DGKZ: variants seen among roughly 807,000 people sequenced by gnomAD.
The protein encoded by DGKZ is DAG kinase zeta.
A neutral mutation model predicts 142.5 loss-of-function variants in DGKZ; 45 were observed. The observed-to-expected ratio is 0.32, with a 90% CI of 0.25 to 0.40. The LOEUF (loss-of-function observed/expected upper bound fraction) is 0.40, where lower values mean the gene tolerates loss of function less well. Ranked by LOEUF, DGKZ falls within the 10% of genes least tolerant of loss-of-function variation. The pLI, the probability that DGKZ is intolerant of heterozygous loss-of-function variation, is 1.00. For synonymous variants in DGKZ, 442 were observed against 527.0 expected (o/e 0.84, Z 2.21); for missense variants, 755 against 1,306.5 (o/e 0.58, Z 6.51).
intron 1 of DGKZ, among the ~76,000 whole-genome samples, chr11:46,363,223 C>T (rs1170614392): frequency 6.6e-6 from 1 of 152,206 alleles, no homozygotes; most frequent in Non-Finnish European, 1.5e-5. Context: ...AGGAGTCAGG[C>T]TCTTGCTGAC....
rs377534092 is a variant in DGKZ at position 46,377,913 on chromosome 11, G to C, written c.2343-285G>C. On this transcript the variant is annotated intron_variant, in intron 25 of 30. Transcript: ENST00000527911. ...ATCACTCCCAGGACCCCCTCTGCAGGGGTGCCACATCACCTGTTCTGAATT... is the reference window on the plus strand; with the variant it reads ...ATCACTCCCAGGACCCCCTCTGCAGCGGTGCCACATCACCTGTTCTGAATT... 198 of 521,096 alleles carry C rather than the reference G, an allele frequency of 3.8e-4. 3 individuals are homozygous for C. Among genetic ancestry groups the C allele is most frequent in the Middle Eastern group, 3.6e-3 (7 of 1,922 alleles). The allele number at this position is 521,096 out of a possible 1,614,324, so 32.3% of individuals were successfully genotyped here.
chr11:46,337,287 C>CTTTTTT (rs948859545), intron 1 of DGKZ, among the ~76,000 whole-genome samples: 1 of 86,300 alleles, frequency 1.2e-5, no homozygotes, highest in Non-Finnish European at 2.4e-5. Context: ...TAAATGGGTT[C>CTTTTTT]TTTTTTTTTT....
At position 46,376,524 on chromosome 11, in the gene DGKZ, C is replaced by T. The variant is rs767161559; in HGVS notation, c.2162C>T (p.Ala721Val). Residue 721 changes from alanine to valine, a missense_variant and splice_region_variant, in exon 24 of 31, where the codon GCC becomes GTC. Transcript: ENST00000527911. The stretch of plus-strand genomic sequence containing the variant: ...TCCTCAGCTGCCCTCTCTCCCACAG[C>T]CACCACTGCCAGCCGCTTCTACAGG... 1.6e-5 allele frequency: 26 copies of T among 1,613,800 alleles called. 1 individual carries two copies. The highest frequency in any genetic ancestry group is 1.9e-5 in the Non-Finnish European group (22 of 1,180,008).
At chr11:46,373,272 GTGTTTTTTTTT>G (rs1316799879) in intron 14 of DGKZ, among the ~76,000 whole-genome samples, 171 bp downstream of exon 14, 39 of 143,298 alleles carry the variant, frequency 2.7e-4, no homozygotes, top group African/African-American at 8.8e-4. Context: ...TGTTTTTTCT[GTGTTTTTTTTT>G]TGTTTTTTTT....
At chr11:46,335,449 A>ACACACG (rs1453515808) in intron 1 of DGKZ, among the ~76,000 whole-genome samples, 87 of 152,264 alleles carry the variant, frequency 5.7e-4, no homozygotes, top group African/African-American at 2.0e-3. Flanking sequence ...ACACACACAC[A>ACACACG]CACACGCACA....
intron 1 of DGKZ, among the ~76,000 whole-genome samples, chr11:46,338,288 G>A (rs1007231409): frequency 4.6e-5 from 7 of 152,050 alleles, no homozygotes; most frequent in African/African-American, 1.7e-4. Context: ...CCTAGCTCAG[G>A]AGTTCGAGGC....
chr11:46,368,372 A>C, intron 4 of DGKZ: 1 of 440,110 alleles, frequency 2.3e-6, no homozygotes, highest in Non-Finnish European at 4.3e-6. Context: ...ACCATGTCCA[A>C]ACTAGTGCTT....
At chr11:46,364,937 A>C in intron 1 of DGKZ, 1 of 985,350 alleles carries the variant, frequency 1.0e-6, no homozygotes, top group Non-Finnish European at 1.2e-6. Context: ...TCTCCCCAGG[A>C]CCAGGGCCCA....
rs373042558 is a variant in DGKZ, at chr11:46,372,744, G to C, written c.1072-27G>C. On this transcript the variant is annotated intron_variant, in intron 12 of 30. Transcript: ENST00000527911. This position sits in a 1 kb window ranked among gnomAD's most constrained non-coding sequence, Gnocchi z 5.9. ...CTGAAGCCGGGGTCCCTGTGGGCCT[G>C]ATTTGCCTCTGTTCTTCCTCCCCCA... 4.3e-6 allele frequency: 7 copies of C among 1,609,786 alleles called. No homozygotes were observed. The highest frequency in any genetic ancestry group is 5.9e-6 in the Non-Finnish European group (7 of 1,178,132).
intron 1 of DGKZ, among the ~76,000 whole-genome samples, chr11:46,341,232 T>C (rs1431154857): frequency 6.6e-6 from 1 of 152,208 alleles, no homozygotes; most frequent in Non-Finnish European, 1.5e-5. Flanking sequence ...TCTGAACACC[T>C]GTATTCAACC....
chr11:46,332,947 G>A (rs1397015827), exon 1 of DGKZ: 2 of 243,696 alleles, frequency 8.2e-6, no homozygotes, highest in Non-Finnish European at 1.6e-5. Context: ...CGGCAGCAGC[G>A]GCGGTTGCAG....
At chr11:46,375,819 C>G in intron 20 of DGKZ, 32 bp from the exon 21 acceptor site, 3 of 1,547,618 alleles carry the variant, frequency 1.9e-6, no homozygotes, top group South Asian at 2.4e-5. Flanking sequence ...AGGGCCCTTG[C>G]TGAGCCCCCG....
rs1317483238 is a variant in DGKZ, at chr11:46,372,418, T to A, written c.928-10T>A. ...TGCCTGACTGTCTCTTGGCTCCCCA[T>A]CCCATCCAGGGTGCAAAGATCATCC... On this transcript the variant is annotated splice_polypyrimidine_tract_variant and intron_variant, in intron 10 of 30. Transcript: ENST00000527911. The surrounding 1 kb of genome is among the most constrained non-coding windows in gnomAD (Gnocchi z 5.9). The A allele has an allele frequency of 6.2e-7, 1 of 1,613,872 alleles. No homozygotes were observed. The highest frequency in any genetic ancestry group is 8.5e-7 in the Non-Finnish European group (1 of 1,179,920).
intron 1 of DGKZ, chr11:46,333,636 C>T: frequency 1.3e-6 from 1 of 757,908 alleles, no homozygotes; most frequent in Non-Finnish European, 2.1e-6. Flanking sequence ...TTTTCGTGTA[C>T]AGCGGGAAGG....
chr11:46,362,550 C>T (rs570322813), intron 1 of DGKZ, among the ~76,000 whole-genome samples: 1 of 152,004 alleles, frequency 6.6e-6, no homozygotes, highest in South Asian at 2.1e-4. Context: ...TATCACCAGG[C>T]ACTCTCTCTC....
chr11:46,345,465 C>T (rs1455569335), upstream of DGKZ: 5 of 1,499,434 alleles, frequency 3.3e-6, no homozygotes, highest in Non-Finnish European at 4.4e-6. The surrounding 1 kb of genome is among the most constrained non-coding windows in gnomAD (Gnocchi z 4.1). Context: ...GAATCCTCAG[C>T]TCTGGGCCCA....
intron 1 of DGKZ, among the ~76,000 whole-genome samples, chr11:46,341,846 C>G (rs1473206494): frequency 1.3e-5 from 2 of 152,154 alleles, no homozygotes; most frequent in African/African-American, 2.4e-5. Flanking sequence ...TTAGCACCTA[C>G]TATGAGGCAG....
upstream of DGKZ, chr11:46,345,520 G>A: frequency 6.6e-7 from 1 of 1,521,634 alleles, no homozygotes; most frequent in Non-Finnish European, 8.8e-7. This position sits in a 1 kb window ranked among gnomAD's most constrained non-coding sequence, Gnocchi z 4.1. Context: ...CGGGGTCACT[G>A]AGGCAGATGT....
intron 1 of DGKZ, among the ~76,000 whole-genome samples, chr11:46,360,733 C>G (rs893134299): frequency 2.6e-5 from 4 of 152,078 alleles, no homozygotes; most frequent in Non-Finnish European, 5.9e-5. Context: ...TTGCAGTGAG[C>G]TGAGATCACG....
Sources: allele counts gnomAD v4.1 joint callset (sites outside exome capture counted in the v4.1 genomes callset), GRCh38; gene constraint gnomAD v4.1.1; non-coding constraint Gnocchi (gnomAD v3.1); transcripts MANE v1.5; gene names NCBI Gene and HGNC (gene_info 2026-07-23, HGNC 2026-07-21).